Variants in ARB2A observed in about 807,000 individuals in gnomAD.
ARB2A encodes ARB2 cotranscriptional regulator A, also known as cotranscriptional regulator ARB2A.
the ARB2A span, among the ~76,000 whole-genome samples, chr5:93,711,783 C>A: frequency 5.9e-5 from 9 of 152,266 alleles, no homozygotes; most frequent in African/African-American, 1.9e-4. Flanking sequence ...AGCTTCGCTG[C>A]TAGAAGGGGC....
At chr5:93,855,202 C>G in the ARB2A span, among the ~76,000 whole-genome samples, 3 of 152,162 alleles carry the variant, frequency 2.0e-5, no homozygotes, top group Admixed American at 6.6e-5. Context: ...GATCCCTGTA[C>G]CATTATGTAA....
At chr5:93,670,299 C>T in the ARB2A span, among the ~76,000 whole-genome samples, 1 of 152,296 alleles carries the variant, frequency 6.6e-6, no homozygotes, top group African/African-American at 2.4e-5. Context: ...TCAGTGGTTT[C>T]CCACTGTACT....
chr5:94,001,093 A>C, the ARB2A span, among the ~76,000 whole-genome samples: 1 of 151,906 alleles, frequency 6.6e-6, no homozygotes, highest in East Asian at 1.9e-4. Context: ...CAGTCCTCCA[A>C]CTTGGTTTTT....
the ARB2A span, among the ~76,000 whole-genome samples, chr5:93,630,792 A>G: frequency 6.6e-6 from 1 of 152,134 alleles, no homozygotes; most frequent in Non-Finnish European, 1.5e-5. Flanking sequence ...CAAAAAAATT[A>G]GCCAGGCGCG....
the ARB2A span, among the ~76,000 whole-genome samples, chr5:94,065,727 A>T: frequency 1.3e-5 from 2 of 152,200 alleles, no homozygotes; most frequent in Non-Finnish European, 2.9e-5. Context: ...CAGACATATA[A>T]AGCAAACATT....
chr5:93,713,985 G>A, the ARB2A span, among the ~76,000 whole-genome samples: 4 of 152,170 alleles, frequency 2.6e-5, no homozygotes, highest in Non-Finnish European at 4.4e-5. Context: ...AGGACTAGGG[G>A]CAGCTAAAGC....
At chr5:93,854,114 G>A in the ARB2A span, among the ~76,000 whole-genome samples, 1 of 152,106 alleles carries the variant, frequency 6.6e-6, no homozygotes, top group Non-Finnish European at 1.5e-5. Flanking sequence ...GTAAGCTATT[G>A]ATTATTGCCA....
chr5:93,933,877 G>A, the ARB2A span, among the ~76,000 whole-genome samples: 1 of 152,078 alleles, frequency 6.6e-6, no homozygotes, highest in Non-Finnish European at 1.5e-5. Context: ...GTGGTGGCTT[G>A]CACCTGTAGT....
At chr5:93,923,306 G>C in the ARB2A span, among the ~76,000 whole-genome samples, 162 of 152,194 alleles carry the variant, frequency 1.1e-3, no homozygotes, top group Admixed American at 1.9e-3. Flanking sequence ...AAAACAGCAG[G>C]CTACTAGTAA....
At chr5:93,822,645 T>C in the ARB2A span, among the ~76,000 whole-genome samples, 2 of 151,956 alleles carry the variant, frequency 1.3e-5, no homozygotes, top group Non-Finnish European at 2.9e-5. Flanking sequence ...TATATATCTA[T>C]ATAGCTATAT....
the ARB2A span, among the ~76,000 whole-genome samples, chr5:93,991,933 C>T: frequency 6.6e-6 from 1 of 151,758 alleles, no homozygotes; most frequent in African/African-American, 2.4e-5. Context: ...AGCAGAATAA[C>T]CAGGAAGAAA....
the ARB2A span, among the ~76,000 whole-genome samples, chr5:93,866,574 CA>C: frequency 6.6e-6 from 1 of 152,144 alleles, no homozygotes; most frequent in East Asian, 1.9e-4. Flanking sequence ...GAATTTTTTT[CA>C]ACCAAAGCCA....
the ARB2A span, among the ~76,000 whole-genome samples, chr5:93,956,826 A>T: frequency 1.3e-5 from 2 of 152,306 alleles, no homozygotes; most frequent in East Asian, 3.9e-4. Flanking sequence ...TGAAAAGGTA[A>T]AGTCAAAGTA....
the ARB2A span, among the ~76,000 whole-genome samples, chr5:93,891,842 A>T: frequency 6.6e-6 from 1 of 152,162 alleles, no homozygotes. Flanking sequence ...ATTATATTCC[A>T]GGGTTGGCCA....
chr5:93,690,900 G>A, the ARB2A span, among the ~76,000 whole-genome samples: 1 of 152,266 alleles, frequency 6.6e-6, no homozygotes, highest in Middle Eastern at 3.4e-3. Context: ...CAGGCAAACA[G>A]GGTCTGGAGT....
the ARB2A span, chr5:93,741,531 G>A: frequency 6.3e-7 from 1 of 1,598,870 alleles, no homozygotes; most frequent in Non-Finnish European, 8.5e-7. Context: ...CTGGAAGGGG[G>A]CAGAAGTGGT....
the ARB2A span, among the ~76,000 whole-genome samples, chr5:93,881,910 CA>C: frequency 6.7e-6 from 1 of 150,182 alleles, no homozygotes; most frequent in African/African-American, 2.4e-5. Flanking sequence ...TTTATAAGAA[CA>C]AAAAATATAA....
the ARB2A span, among the ~76,000 whole-genome samples, chr5:93,882,105 T>A: frequency 2.0e-5 from 3 of 151,386 alleles, no homozygotes; most frequent in Admixed American, 1.3e-4. Context: ...TCAAACTACA[T>A]TTTTTTGTAT....
At chr5:93,755,891 G>A in the ARB2A span, among the ~76,000 whole-genome samples, 3 of 152,176 alleles carry the variant, frequency 2.0e-5, no homozygotes, top group Non-Finnish European at 4.4e-5. Flanking sequence ...GCCAGAACTC[G>A]GGGGAGGGTG....
Sources: gnomAD v4.1 joint callset for allele counts (sites outside exome capture counted in the v4.1 genomes callset) on GRCh38, gnomAD v4.1.1 for gene constraint, MANE v1.5 for transcripts, NCBI Gene and HGNC (gene_info 2026-07-23, HGNC 2026-07-21) for gene names.